Variants in PNPLA6 observed in about 807,000 individuals in gnomAD.
PNPLA6 encodes patatin-like phospholipase domain-containing protein 6.
PNPLA6 carries 105 observed loss-of-function variants against 153.7 expected under a neutral mutation model. That is an observed-to-expected ratio of 0.68 (90% CI 0.58 to 0.80). The LOEUF (loss-of-function observed/expected upper bound fraction) is 0.80. Ranked by LOEUF, PNPLA6 falls within the 30% of genes least tolerant of loss-of-function variation. The pLI, the probability that PNPLA6 is intolerant of heterozygous loss-of-function variation, is 0.00. For missense variants in PNPLA6, 1,423 were observed against 1,919.3 expected, an observed-to-expected ratio of 0.74 and a Z score of 4.83; for synonymous variants, 825 against 822.2, an observed-to-expected ratio of 1.00 and a Z score of -0.06.
At position 7,541,594 on chromosome 19, in the gene PNPLA6, A is replaced by G; in HGVS notation, c.1078A>G (p.Arg360Gly). The G allele has an allele frequency of 6.3e-7, 1 of 1,595,752 alleles. No homozygotes were observed. The highest frequency in any genetic ancestry group is 1.1e-5 in the South Asian group (1 of 88,540). The change falls in exon 9 of 32, where the codon AGA becomes GGA. Residue 360 changes from arginine to glycine, a missense_variant. Physicochemically the swap from Arg to Gly is moderately radical, Grantham distance 125. This residue lies in a region of PNPLA6 where 267 missense variants were observed against 255.1 expected (regional missense o/e 1.05). Coordinates refer to ENST00000600737, the MANE Select transcript of PNPLA6 (RefSeq NM_001166114.2). The surrounding 1 kb of genome is among the most constrained non-coding windows in gnomAD (Gnocchi z 5.2). ...TRTSPVRGSK[R>G]MVSTSATDEP... ...CACCAGCCCTGTGCGGGGCTCCAAG[A>G]GAATGGTCAGCACCTCAGCTACAGA...
rs771735161 is a variant in PNPLA6 at position 7,540,065 on chromosome 19, G to T, written c.554+7G>T. On this transcript the variant is annotated splice_region_variant and intron_variant, in intron 4 of 31. Coordinates refer to ENST00000600737, the MANE Select transcript of PNPLA6 (RefSeq NM_001166114.2). The surrounding 1 kb of genome is among the most constrained non-coding windows in gnomAD (Gnocchi z 6.8). Reference sequence around the variant, plus strand: ...ATATGCTCAAGAACGTCCGGTCAGTGTTGGGGTGCAGGTGGGGGTGGAGGG... The same window carrying T: ...ATATGCTCAAGAACGTCCGGTCAGTTTTGGGGTGCAGGTGGGGGTGGAGGG... The T allele has an allele frequency of 2.2e-5, 35 of 1,613,964 alleles. No homozygotes were observed. Among genetic ancestry groups the T allele is most frequent in the Non-Finnish European group, 2.8e-5 (33 of 1,180,004 alleles).
chr19:7,557,995 A>G (rs1009504660), intron 27 of PNPLA6, among the ~76,000 whole-genome samples: 1 of 152,170 alleles, frequency 6.6e-6, no homozygotes, highest in Admixed American at 6.6e-5. Context: ...ACGTGTACAC[A>G]CAGGCACATG....
At chr19:7,549,655 A>AT (rs1311882503) in intron 13 of PNPLA6, 4 of 540,124 alleles carry the variant, frequency 7.4e-6, no homozygotes, top group African/African-American at 1.9e-5. Flanking sequence ...CGCCCAGCTA[A>AT]TTTTTTTATT....
Position 7,550,717 on chromosome 19 carries a change from G to A in PNPLA6, c.2070+77G>A. ...CGACAACTCACACACATCATCCCGGGTAATCCAGGGAGTGGTGAATGCAGC... is the reference window on the plus strand; with the variant it reads ...CGACAACTCACACACATCATCCCGGATAATCCAGGGAGTGGTGAATGCAGC... On this transcript the variant is annotated intron_variant, in intron 16 of 31. Transcript: ENST00000600737. The A allele has an allele frequency of 1.9e-6, 3 of 1,562,666 alleles. No individual in the cohort carries two copies. The South Asian group carries it at 3.4e-5, about 18-fold the overall frequency.
intron 28 of PNPLA6, among the ~76,000 whole-genome samples, chr19:7,559,808 C>G (rs1204933313): frequency 3.3e-5 from 5 of 151,752 alleles, no homozygotes; most frequent in Non-Finnish European, 5.9e-5. Flanking sequence ...TGCGTCACTG[C>G]ACTCCAGCCT....
chr19:7,548,386 G>A (rs1030023001), intron 13 of PNPLA6, among the ~76,000 whole-genome samples: 5 of 121,476 alleles, frequency 4.1e-5, no homozygotes, highest in African/African-American at 1.5e-4. Context: ...TAGCTGATGA[G>A]CTAAAAGAAA....
chr19:7,548,704 CATAT>C (rs57331367), intron 13 of PNPLA6, among the ~76,000 whole-genome samples: 76,448 of 149,914 alleles, frequency 0.51, 19,899 homozygotes, highest in South Asian at 0.66. Context: ...GTATATGGAA[CATAT>C]ATATATATAT....
Position 7,540,908 on chromosome 19 carries a change from C to T in PNPLA6, c.796-15C>T. The T allele has an allele frequency of 6.2e-7, 1 of 1,612,968 alleles. No individual in the cohort carries two copies. Among genetic ancestry groups the T allele is most frequent in the South Asian group, 1.1e-5 (1 of 91,076 alleles). ...CCTCTGCCCTTGTCTCTCTTCACGC[C>T]CTCCCCTCCCCCAGGGTCACCAGCA... On this transcript the variant is annotated splice_polypyrimidine_tract_variant and intron_variant, in intron 6 of 31. Coordinates refer to ENST00000600737, the MANE Select transcript of PNPLA6 (RefSeq NM_001166114.2). The surrounding 1 kb of genome is among the most constrained non-coding windows in gnomAD (Gnocchi z 6.8).
chr19:7,544,083 G>A (rs561992658), intron 13 of PNPLA6, among the ~76,000 whole-genome samples: 144 of 151,748 alleles, frequency 9.5e-4, no homozygotes, highest in African/African-American at 3.3e-3. Context: ...AAAGTGCTGG[G>A]ATTACAGGCG....
rs2023835758 is a variant in PNPLA6, at chr19:7,555,444, C to T, written c.2936+77C>T. 1.3e-5 allele frequency: 17 copies of T among 1,341,136 alleles called. No homozygotes were observed. Among genetic ancestry groups the T allele is most frequent in the Non-Finnish European group, 1.5e-5 (15 of 970,146 alleles). The allele number at this position is 1,341,136 out of a possible 1,614,324, so 83.1% of individuals were successfully genotyped here. ...AGCTTCCTGGGAGAAACCGTGGGGGCGGGGCCTGGGTGTTCGAGGGTGGAG... is the reference window on the plus strand; with the variant it reads ...AGCTTCCTGGGAGAAACCGTGGGGGTGGGGCCTGGGTGTTCGAGGGTGGAG... On this transcript the variant is annotated intron_variant, in intron 23 of 31. Transcript: ENST00000600737. This position sits in a 1 kb window ranked among gnomAD's most constrained non-coding sequence, Gnocchi z 6.3.
At chr19:7,535,246 G>T, upstream of PNPLA6, 1 of 568,794 alleles carries the variant, frequency 1.8e-6, no homozygotes, top group Non-Finnish European at 3.2e-6. The surrounding 1 kb of genome is among the most constrained non-coding windows in gnomAD (Gnocchi z 5.0). Context: ...GGGTTGGACA[G>T]GCGGGCGTCT....
rs72346034 is a variant in PNPLA6, at chr19:7,549,484, C to CCTTCTTCTT, written c.1609-419_1609-411dup. 2.8e-3 allele frequency among the ~76,000 whole-genome samples: 133 copies of CCTTCTTCTT among 47,058 alleles called. 1 individual carries two copies. The highest frequency in any genetic ancestry group is 0.011 in the African/African-American group (121 of 11,102). The allele number at this position is 47,058 out of a possible 152,430, so 30.9% of individuals were successfully genotyped here. A position where few individuals can be genotyped will look rare whatever the true frequency, so the allele number is the denominator to read the frequency against. ...TACAGGCGTGAGCCACCGCGCCTGG[C>CCTTCTTCTT]CTTCTTCTTCTTTTTTTTTTTAAAG... On this transcript the variant is annotated intron_variant, in intron 13 of 31. Transcript: ENST00000600737.
At position 7,554,954 on chromosome 19, in the gene PNPLA6, G is replaced by A. The variant is rs1396289067; in HGVS notation, c.2696G>A (p.Arg899Gln). 2 of 1,590,134 alleles carry A rather than the reference G, an allele frequency of 1.3e-6. No homozygotes were observed. The highest frequency in any genetic ancestry group is 1.7e-6 in the Non-Finnish European group (2 of 1,175,016). ...RALKQLVLLH[R>Q]EEGAGPTRTV... ...CTTAAGCAGCTAGTCCTGCTCCACCGAGAGGAGGGCGCGGGCCCCACGCGC... is the reference window on the plus strand; with the variant it reads ...CTTAAGCAGCTAGTCCTGCTCCACCAAGAGGAGGGCGCGGGCCCCACGCGC... Residue 899 changes from arginine to glutamine, a missense_variant, in exon 22 of 32, where the codon CGA becomes CAA. Transcript: ENST00000600737.
Position 7,555,851 on chromosome 19 carries a change from C to T in PNPLA6, c.3093+88C>T, listed in dbSNP as rs1300152406. On this transcript the variant is annotated intron_variant, in intron 24 of 31. Transcript: ENST00000600737. The surrounding 1 kb of genome is among the most constrained non-coding windows in gnomAD (Gnocchi z 6.3). ...TAACCTGATCCCATGGGGGAGCCTC[C>T]GGGGTCAGGGTGACCCTTCCTGATT... The T allele has an allele frequency of 3.5e-6, 5 of 1,418,296 alleles. No homozygotes were observed. Among genetic ancestry groups the T allele is most frequent in the Admixed American group, 1.7e-5 (1 of 58,246 alleles). 87.9% of individuals were successfully genotyped at this position (1,418,296 alleles called of 1,614,324 possible). A position where few individuals can be genotyped will look rare whatever the true frequency, so the allele number is the denominator to read the frequency against.
At position 7,541,127 on chromosome 19, in the gene PNPLA6, C is replaced by T. The variant is rs1568408362; in HGVS notation, c.924+76C>T. On this transcript the variant is annotated intron_variant, in intron 7 of 31. Transcript: ENST00000600737. This position sits in a 1 kb window ranked among gnomAD's most constrained non-coding sequence, Gnocchi z 5.2. ...CCCACCCATTCCAGGCTCCAAGGGA[C>T]CGAGGCCCAGCAGCCAGCAGGCGCT... 2 of 1,520,536 alleles carry T rather than the reference C, an allele frequency of 1.3e-6. No homozygotes were observed. The highest frequency in any genetic ancestry group is 1.2e-5 in the South Asian group (1 of 85,250). The allele number at this position is 1,520,536 out of a possible 1,614,324, so 94.2% of individuals were successfully genotyped here.
rs113195435 is a variant in PNPLA6 at position 7,559,111 on chromosome 19, G to T, written c.3659G>T (p.Cys1220Phe). The change falls in exon 28 of 32, where the codon TGC (cysteine) becomes TTC (phenylalanine). Residue 1220 changes from cysteine to phenylalanine, a missense_variant. Cys to Phe is a radical substitution (Grantham distance 205). Coordinates refer to ENST00000600737, the MANE Select transcript of PNPLA6 (RefSeq NM_001166114.2). ...GAGTACCTGCGCCCGCCCATCGACT[G>T]CTTCAAGACCATGGACTTTGGGAAG... ...YCEYLRPPID[C>F]FKTMDFGKFD... is the part of the protein sequence containing the mutation. 4 of 1,614,236 alleles carry T rather than the reference G, an allele frequency of 2.5e-6. No individual in the cohort carries two copies. The South Asian group carries it at 4.4e-5, about 18-fold the overall frequency.
intron 27 of PNPLA6, among the ~76,000 whole-genome samples, 188 bp from the exon 28 acceptor site, chr19:7,558,662 A>AC (rs1162071529): frequency 6.6e-6 from 1 of 151,416 alleles, no homozygotes; most frequent in Admixed American, 6.6e-5. Context: ...CCAACACCTG[A>AC]CCCCCCTCCT....
rs770303471 is a variant in PNPLA6 at position 7,557,226 on chromosome 19, G to A, written c.3339G>A (p.Leu1113=). 4.0e-5 allele frequency: 64 copies of A among 1,613,516 alleles called. No individual in the cohort carries two copies. The highest frequency in any genetic ancestry group is 1.6e-4 in the Middle Eastern group (1 of 6,082). The change falls in exon 27 of 32, where the codon CTG becomes CTA. Residue 1113 remains leucine (L), a synonymous_variant. Transcript: ENST00000600737. ...CGCTGTCGGGCTACCTGCCCCCGCTGTGCGACCCCAAGGACGGGCACCTAC... is the reference window on the plus strand; with the variant it reads ...CGCTGTCGGGCTACCTGCCCCCGCTATGCGACCCCAAGGACGGGCACCTAC... ...SMTLSGYLPP[L]CDPKDGHLLM...
chr19:7,552,769 GAAAGA>G (rs1397428621), intron 18 of PNPLA6, among the ~76,000 whole-genome samples: 2 of 26,076 alleles, frequency 7.7e-5, no homozygotes, highest in African/African-American at 1.7e-4. Context: ...AAAAAAAAAA[GAAAGA>G]AAAAAAAAAA....
Sources: gnomAD v4.1 joint callset for allele counts (sites outside exome capture counted in the v4.1 genomes callset) on GRCh38, gnomAD v4.1.1 for gene constraint, gnomAD v4.1.1 regional missense constraint, Gnocchi (gnomAD v3.1) non-coding constraint, MANE v1.5 for transcripts, NCBI Gene and HGNC (gene_info 2026-07-23, HGNC 2026-07-21) for gene names.